The following NCAPD2 variants were observed in gnomAD, a reference collection of about 807,000 sequenced individuals.
The protein encoded by NCAPD2 is non-SMC condensin I complex subunit D2.
NCAPD2 carries 100 observed loss-of-function variants against 164.5 expected under a neutral mutation model. The observed-to-expected ratio is 0.61, with a 90% CI of 0.52 to 0.72. The LOEUF is 0.72. Ranked by LOEUF, NCAPD2 falls within the 30% of genes least tolerant of loss-of-function variation. The pLI is 0.00. For synonymous variants in NCAPD2, 585 were observed against 642.6 expected (o/e 0.91, Z 1.36); for missense variants, 1,560 against 1,749.2 (o/e 0.89, Z 1.93).
intron 4 of NCAPD2, 111 bp downstream of exon 4, chr12:6,510,244 G>A (rs760296122): frequency 8.4e-7 from 1 of 1,194,054 alleles, no homozygotes; most frequent in Non-Finnish European, 1.3e-6. Flanking sequence ...TATCAAGGCT[G>A]TTGTGATTCA....
At chr12:6,503,113 A>G (rs1946053774) in intron 2 of NCAPD2, among the ~76,000 whole-genome samples, 1 of 147,932 alleles carries the variant, frequency 6.8e-6, no homozygotes, top group East Asian at 2.0e-4. Context: ...GCCTCAGCCT[A>G]CAAAGTGTTG....
chr12:6,521,857 G>A lies in NCAPD2; in HGVS notation c.1774G>A (p.Gly592Arg), dbSNP rs1411003445. The A allele has an allele frequency of 6.2e-7, 1 of 1,614,118 alleles. No individual in the cohort carries two copies. Among genetic ancestry groups the A allele is most frequent in the Non-Finnish European group, 8.5e-7 (1 of 1,179,996 alleles). Residue 592 changes from glycine to arginine, a missense_variant, in exon 15 of 32, where the codon GGA becomes AGA. Gly to Arg is a moderately radical substitution (Grantham distance 125). Coordinates refer to ENST00000315579, the MANE Select transcript of NCAPD2 (RefSeq NM_014865.4). The part of the protein sequence containing the change: ...PRESTGNMVT[G>R]QTVCKNKPNM... ...GGAGTCTACAGGAAACATGGTCACA[G>A]GACAGACTGTCTGTAAAAATAAACC... is the stretch of plus-strand genomic sequence containing the variant.
chr12:6,518,367 A>G (rs1946223665), intron 13 of NCAPD2, among the ~76,000 whole-genome samples: 3 of 152,094 alleles, frequency 2.0e-5, no homozygotes, highest in Admixed American at 6.6e-5. Flanking sequence ...AAATTTCATG[A>G]ACTAATAATA....
intron 2 of NCAPD2, among the ~76,000 whole-genome samples, chr12:6,497,661 CCAGGCTGGAGTG>C (rs1945996555): frequency 6.6e-6 from 1 of 152,064 alleles, no homozygotes; most frequent in Non-Finnish European, 1.5e-5. Flanking sequence ...CTTCTGTCAC[CCAGGCTGGAGTG>C]CAGTGGCGCA....
In NCAPD2 at chr12:6,504,658, C is replaced by T. The variant is rs561818677; in HGVS notation, c.128-5059C>T. Among the ~76,000 whole-genome samples, 13 of 152,146 alleles carry T rather than the reference C, an allele frequency of 8.5e-5. No homozygotes were observed. In the South Asian group the frequency reaches 2.1e-3, roughly 24 times the overall value. ...CTGTCCACCTCGGCCTCCCAAAGTG[C>T]TGGGATTACAGGTGTGAGCCACCGC... On this transcript the variant is annotated intron_variant, in intron 2 of 31. Coordinates refer to ENST00000315579, the MANE Select transcript of NCAPD2 (RefSeq NM_014865.4).
chr12:6,530,296 CCCA>C (rs1946359392), intron 29 of NCAPD2, among the ~76,000 whole-genome samples: 1 of 152,186 alleles, frequency 6.6e-6, no homozygotes, highest in South Asian at 2.1e-4. Context: ...CACAGCCTTC[CCCA>C]CCTTCAACAT....
At chr12:6,520,013 T>G (rs1427356440) in intron 13 of NCAPD2, among the ~76,000 whole-genome samples, 2 of 152,020 alleles carry the variant, frequency 1.3e-5, no homozygotes, top group African/African-American at 2.4e-5. Context: ...GAAACCCATC[T>G]CTGCTAAAAT....
At chr12:6,530,585 C>T in intron 29 of NCAPD2, 106 bp from the exon 30 acceptor site, 6 of 1,449,704 alleles carry the variant, frequency 4.1e-6, no homozygotes, top group Non-Finnish European at 5.6e-6. Context: ...ACCTTGGCTT[C>T]TTAGTAATGT....
chr12:6,523,166 A>C, intron 16 of NCAPD2, 96 bp from the exon 17 acceptor site: 1 of 1,462,836 alleles, frequency 6.8e-7, no homozygotes, highest in Non-Finnish European at 9.5e-7. Flanking sequence ...CAGGGAGAGC[A>C]GTTTTGTAGC....
Position 6,526,886 on chromosome 12 carries a change from TC to T in NCAPD2, c.2735-3del, listed in dbSNP as rs1309548671. The T allele has an allele frequency of 1.9e-6, 3 of 1,605,942 alleles. No individual in the cohort carries two copies. In the African/African-American group the frequency reaches 4.0e-5, roughly 21 times the overall value. On this transcript the variant is annotated splice_polypyrimidine_tract_variant and splice_region_variant and intron_variant, in intron 21 of 31. Transcript: ENST00000315579. ...TGCCCCACCTTCCCTCTCCCTCTCC[TC>T]CAGAGGAGTCCCCCGCAATGCTCCC...
At chr12:6,498,879 C>A (rs1946008016) in intron 2 of NCAPD2, among the ~76,000 whole-genome samples, 1 of 152,154 alleles carries the variant, frequency 6.6e-6, no homozygotes, top group South Asian at 2.1e-4. Flanking sequence ...GCTGGGATTA[C>A]AGGTGTGAGC....
intron 13 of NCAPD2, among the ~76,000 whole-genome samples, chr12:6,518,992 TCTC>T (rs1266804506): frequency 1.3e-5 from 2 of 151,492 alleles, no homozygotes; most frequent in Non-Finnish European, 2.9e-5. Flanking sequence ...TTCACGCCAT[TCTC>T]CTGCCTCAGC....
chr12:6,531,676 G>C lies in NCAPD2; in HGVS notation c.*264G>C. ...AAAAATTAGCCGGGCGTATTGGCGT[G>C]CGCCTGTAATCCCAGCTACTCAAGA... On this transcript the variant is annotated 3_prime_UTR_variant, in exon 32 of 32. Coordinates refer to ENST00000315579, the MANE Select transcript of NCAPD2 (RefSeq NM_014865.4). This position sits in a 1 kb window ranked among gnomAD's most constrained non-coding sequence, Gnocchi z 4.1. The C allele has an allele frequency of 2.1e-6, 1 of 483,742 alleles. No homozygotes were observed. Among genetic ancestry groups the C allele is most frequent in the South Asian group, 2.0e-5 (1 of 49,660 alleles). The allele number at this position is 483,742 out of a possible 1,614,324, so 30.0% of individuals were successfully genotyped here.
Position 6,521,925 on chromosome 12 carries a change from A to T in NCAPD2, c.1842A>T (p.Leu614=), listed in dbSNP as rs200533741. 1.8e-5 allele frequency: 29 copies of T among 1,614,166 alleles called. No individual in the cohort carries two copies. The highest frequency in any genetic ancestry group is 2.5e-5 in the Non-Finnish European group (29 of 1,180,038). The change falls in exon 15 of 32, where the codon CTA becomes CTT. Residue 614 remains leucine (L), a synonymous_variant. Coordinates refer to ENST00000315579, the MANE Select transcript of NCAPD2 (RefSeq NM_014865.4). ...DPEESRGNDE[L]VKQEMLVQYL... is the part of the protein sequence containing the mutation. ...AGGAATCCAGGGGAAATGATGAACT[A>T]GTGAAGCAGGAGATGCTGGTACAGT... is the stretch of plus-strand genomic sequence containing the variant.
intron 6 of NCAPD2, 65 bp from the exon 7 acceptor site, chr12:6,514,200 G>T (rs556027367): frequency 1.3e-6 from 2 of 1,599,606 alleles, no homozygotes; most frequent in East Asian, 4.5e-5. Context: ...AATGAATGAG[G>T]CAGGGCTCTG....
At position 6,531,430 on chromosome 12, in the gene NCAPD2, T is replaced by C. The variant is rs201272523; in HGVS notation, c.*18T>C. 1.2e-6 allele frequency: 2 copies of C among 1,612,364 alleles called. No homozygotes were observed. The highest frequency in any genetic ancestry group is 2.7e-5 in the African/African-American group (2 of 74,776). ...GATCCTAGGAAGTCTGTTCCTGTCC[T>C]CCCTGTGCAGGGTATCCTGTAGGGT... On this transcript the variant is annotated 3_prime_UTR_variant, in exon 32 of 32. Coordinates refer to ENST00000315579, the MANE Select transcript of NCAPD2 (RefSeq NM_014865.4). This position sits in a 1 kb window ranked among gnomAD's most constrained non-coding sequence, Gnocchi z 4.1.
chr12:6,523,231 T>C (rs1165380560), intron 16 of NCAPD2, 31 bp from the exon 17 acceptor site: 1 of 1,599,946 alleles, frequency 6.3e-7, no homozygotes, highest in Admixed American at 1.7e-5. Flanking sequence ...CCCAATCTTA[T>C]AGTGACCGCT....
chr12:6,506,578 A>G (rs1363502231), intron 2 of NCAPD2, among the ~76,000 whole-genome samples: 2 of 151,668 alleles, frequency 1.3e-5, no homozygotes, highest in East Asian at 1.9e-4. Context: ...CGACAGAGAG[A>G]GATTCCGTCT....
chr12:6,499,337 A>T (rs1042473635), intron 2 of NCAPD2, among the ~76,000 whole-genome samples: 1 of 151,818 alleles, frequency 6.6e-6, no homozygotes, highest in Non-Finnish European at 1.5e-5. Flanking sequence ...TCAGTTTCCC[A>T]AGCAGCTGGG....
Sources: gnomAD v4.1 joint callset for allele counts (sites outside exome capture counted in the v4.1 genomes callset) on GRCh38, gnomAD v4.1.1 for gene constraint, Gnocchi (gnomAD v3.1) non-coding constraint, MANE v1.5 for transcripts, NCBI Gene and HGNC (gene_info 2026-07-23, HGNC 2026-07-21) for gene names.